UBASH3B: variants seen among roughly 807,000 people sequenced by gnomAD.
UBASH3B encodes the protein ubiquitin associated and SH3 domain containing B, also known as ubiquitin-associated and SH3 domain-containing protein B.
Under a neutral mutation model 83.4 loss-of-function variants are expected in UBASH3B, and 37 were observed. That is an observed-to-expected ratio of 0.44 (90% CI 0.34 to 0.58). The LOEUF is 0.58. Among genes scored for constraint, UBASH3B ranks in the 20% least tolerant of loss-of-function variants. The pLI is 0.01. For missense variants in UBASH3B, 657 were observed against 827.2 expected, an observed-to-expected ratio of 0.79 and a Z score of 2.52; for synonymous variants, 304 against 318.3, an observed-to-expected ratio of 0.96 and a Z score of 0.48.
chr11:122,657,357 G>A (rs1182854937), intron 1 of UBASH3B, among the ~76,000 whole-genome samples: 3 of 151,784 alleles, frequency 2.0e-5, no homozygotes, highest in African/African-American at 4.8e-5. Flanking sequence ...GTGCAGTGGC[G>A]CAATCTCTGT....
At chr11:122,715,322 G>A (rs1388123682) in intron 1 of UBASH3B, among the ~76,000 whole-genome samples, 6 of 152,070 alleles carry the variant, frequency 3.9e-5, no homozygotes, top group South Asian at 2.1e-4. Context: ...ATTGATTGGC[G>A]GTTGAGGTGG....
Position 122,758,627 on chromosome 11 carries a change from A to G in UBASH3B, c.162-17592A>G, listed in dbSNP as rs946890523. On this transcript the variant is annotated intron_variant, in intron 1 of 13. Transcript: ENST00000284273. This position sits in a 1 kb window ranked among gnomAD's most constrained non-coding sequence, Gnocchi z 4.2. ...GGTGTGAATCTCCTTTCGTTTACATATGTGGGGACTGAGATTAGATGGGTT... is the reference window on the plus strand; with the variant it reads ...GGTGTGAATCTCCTTTCGTTTACATGTGTGGGGACTGAGATTAGATGGGTT... 1.3e-5 allele frequency among the ~76,000 whole-genome samples: 2 copies of G among 152,166 alleles called. No individual in the cohort carries two copies. The highest frequency in any genetic ancestry group is 4.8e-5 in the African/African-American group (2 of 41,440).
chr11:122,801,150 A>G (rs769911094), intron 10 of UBASH3B, 38 bp from the exon 11 acceptor site: 2 of 1,606,166 alleles, frequency 1.2e-6, no homozygotes, highest in Non-Finnish European at 1.7e-6. Flanking sequence ...GAGAATCCAC[A>G]GGCACTTTCT....
At chr11:122,701,975 T>G in intron 1 of UBASH3B, among the ~76,000 whole-genome samples, 1 of 152,128 alleles carries the variant, frequency 6.6e-6, no homozygotes. Flanking sequence ...TGCCTCGGCC[T>G]CCCAAAATGC....
At chr11:122,685,033 G>C (rs79129303) in intron 1 of UBASH3B, among the ~76,000 whole-genome samples, 1 of 152,090 alleles carries the variant, frequency 6.6e-6, no homozygotes, top group African/African-American at 2.4e-5. Context: ...TTCACGGGCC[G>C]CGGGTCTGAA....
intron 5 of UBASH3B, 108 bp downstream of exon 5, chr11:122,783,330 G>A: frequency 3.0e-6 from 4 of 1,316,402 alleles, no homozygotes; most frequent in Non-Finnish European, 3.1e-6. Context: ...AATGGAGCAA[G>A]CACCTAACAG....
intron 9 of UBASH3B, among the ~76,000 whole-genome samples, chr11:122,798,554 T>C (rs1861191423): frequency 6.6e-6 from 1 of 151,160 alleles, no homozygotes; most frequent in South Asian, 2.1e-4. Flanking sequence ...CTACTAAAAG[T>C]ACAAAAATTA....
Position 122,810,640 on chromosome 11 carries a change from T to C in UBASH3B, c.*754T>C, listed in dbSNP as rs563232460. The C allele has an allele frequency of 6.5e-6, 1 of 152,742 alleles. No individual in the cohort carries two copies. Among genetic ancestry groups the C allele is most frequent in the Admixed American group, 6.5e-5 (1 of 15,306 alleles). 9.5% of individuals were successfully genotyped at this position (152,742 alleles called of 1,614,324 possible). A position where few individuals can be genotyped will look rare whatever the true frequency, so the allele number is the denominator to read the frequency against. ...AAAGATAAGATACATGTTTGAAGTA[T>C]TCAATCATAGGAGCAAAGAACTTGC... On this transcript the variant is annotated 3_prime_UTR_variant, in exon 14 of 14. Coordinates refer to ENST00000284273, the MANE Select transcript of UBASH3B (RefSeq NM_032873.5).
chr11:122,804,756 T>A (rs981571054), intron 11 of UBASH3B, among the ~76,000 whole-genome samples: 1 of 152,136 alleles, frequency 6.6e-6, no homozygotes, highest in Non-Finnish European at 1.5e-5. Flanking sequence ...CCATGTGAAT[T>A]CATTTTGAGA....
intron 6 of UBASH3B, 112 bp from the exon 7 acceptor site, chr11:122,794,590 G>C (rs1861120490): frequency 5.9e-6 from 8 of 1,358,442 alleles, no homozygotes; most frequent in Admixed American, 3.8e-5. Flanking sequence ...CCCCATCATT[G>C]TGCTACCCAC....
intron 1 of UBASH3B, among the ~76,000 whole-genome samples, chr11:122,752,292 G>A (rs1045284335): frequency 5.3e-5 from 8 of 152,088 alleles, no homozygotes; most frequent in African/African-American, 1.9e-4. Flanking sequence ...TAGTGCTATT[G>A]AGGAGATAAG....
intron 1 of UBASH3B, chr11:122,774,352 A>T (rs1236559420): frequency 2.1e-6 from 2 of 957,744 alleles, no homozygotes; most frequent in South Asian, 4.8e-5. Flanking sequence ...GCAGACTTTC[A>T]TAGGGGAAGG....
rs68079056 is a variant in UBASH3B at position 122,759,073 on chromosome 11, A to T, written c.162-17146A>T. 0.011 allele frequency among the ~76,000 whole-genome samples: 1,663 copies of T among 152,164 alleles called. 18 individuals are homozygous for T. The highest frequency in any genetic ancestry group is 0.02 in the Non-Finnish European group (1,336 of 67,988). On this transcript the variant is annotated intron_variant, in intron 1 of 13. Coordinates refer to ENST00000284273, the MANE Select transcript of UBASH3B (RefSeq NM_032873.5). The surrounding 1 kb of genome is among the most constrained non-coding windows in gnomAD (Gnocchi z 4.1). Reference sequence around the variant, plus strand: ...TCTCTGCTCAGTCTTACAAGATTGCAGTCAAGGTGTTGGCCAGGCCGTGTT... The same window carrying T: ...TCTCTGCTCAGTCTTACAAGATTGCTGTCAAGGTGTTGGCCAGGCCGTGTT...
chr11:122,768,462 A>ATATAGG (rs1426038865), intron 1 of UBASH3B, among the ~76,000 whole-genome samples: 1 of 123,886 alleles, frequency 8.1e-6, no homozygotes, highest in Non-Finnish European at 1.8e-5. Flanking sequence ...AGATAGAGAT[A>ATATAGG]TATATGTATG....
intron 11 of UBASH3B, among the ~76,000 whole-genome samples, chr11:122,805,894 A>C (rs755042461): frequency 5.3e-5 from 8 of 152,252 alleles, no homozygotes; most frequent in Non-Finnish European, 8.8e-5. Context: ...TATGCTTTGC[A>C]CTTCTCCTTG....
intron 1 of UBASH3B, among the ~76,000 whole-genome samples, chr11:122,674,456 C>CT (rs1308980654): frequency 6.6e-6 from 1 of 150,504 alleles, no homozygotes; most frequent in African/African-American, 2.5e-5. Context: ...TCTCAGTTCA[C>CT]TGCAAGCTCC....
intron 1 of UBASH3B, among the ~76,000 whole-genome samples, chr11:122,762,282 C>G (rs1319626339): frequency 6.6e-6 from 1 of 152,168 alleles, no homozygotes; most frequent in Admixed American, 6.5e-5. Context: ...GCTTTTGAAA[C>G]TTACTCCCTC....
In UBASH3B at chr11:122,783,041, T is replaced by C; in HGVS notation, c.602-12T>C. ...ACCTTTTAATTACTGACCTTTTTCT[T>C]CCTTTTTCCAGAAGTGCATGTGGAA... On this transcript the variant is annotated splice_polypyrimidine_tract_variant and intron_variant, in intron 4 of 13. Coordinates refer to ENST00000284273, the MANE Select transcript of UBASH3B (RefSeq NM_032873.5). 1 of 1,608,440 alleles carries C rather than the reference T, an allele frequency of 6.2e-7. No individual in the cohort carries two copies. Among genetic ancestry groups the C allele is most frequent in the East Asian group, 2.2e-5 (1 of 44,812 alleles).
chr11:122,792,698 G>A (rs1221294964), intron 6 of UBASH3B, among the ~76,000 whole-genome samples: 1 of 152,154 alleles, frequency 6.6e-6, no homozygotes, highest in African/African-American at 2.4e-5. Flanking sequence ...CTATTATACT[G>A]TGTGAACGGC....
Sources: gnomAD v4.1 joint callset for allele counts (sites outside exome capture counted in the v4.1 genomes callset) on GRCh38, gnomAD v4.1.1 for gene constraint, Gnocchi (gnomAD v3.1) non-coding constraint, MANE v1.5 for transcripts, NCBI Gene and HGNC (gene_info 2026-07-23, HGNC 2026-07-21) for gene names.